ZFAT: variants seen among roughly 807,000 people sequenced by gnomAD.
ZFAT encodes zinc finger and AT-hook domain containing.
In ZFAT, 64 loss-of-function variants were observed where a neutral mutation model predicts 117.7. The observed-to-expected ratio is 0.54, with a 90% confidence interval of 0.44 to 0.67. The LOEUF is 0.67. ZFAT is among the 30% of genes least tolerant of loss of function. The pLI, the probability that ZFAT is intolerant of heterozygous loss-of-function variation, is 0.00. For synonymous variants in ZFAT, 679 were observed against 615.0 expected, an observed-to-expected ratio of 1.10 and a Z score of -1.54; for missense variants, 1,433 against 1,584.5, an observed-to-expected ratio of 0.90 and a Z score of 1.62.
At chr8:134,586,882 A>AC (rs1826106654) in intron 9 of ZFAT, among the ~76,000 whole-genome samples, 1 of 152,146 alleles carries the variant, frequency 6.6e-6, no homozygotes. Context: ...GGGGCAAATT[A>AC]CTTCACCTCT....
At chr8:134,652,908 C>A (rs1831331455) in intron 2 of ZFAT, among the ~76,000 whole-genome samples, 1 of 152,090 alleles carries the variant, frequency 6.6e-6, no homozygotes, top group African/African-American at 2.4e-5. Flanking sequence ...CACAGCAATT[C>A]TCCTAGGAAT....
At chr8:134,563,968 AC>A (rs151048214) in intron 11 of ZFAT, among the ~76,000 whole-genome samples, 5,016 of 151,896 alleles carry the variant, frequency 0.033, 271 homozygotes, top group African/African-American at 0.11. Context: ...TCATAGTGAA[AC>A]CCCGTCTCTA....
the ZFAT span, chr8:134,804,808 A>G: frequency 2.0e-6 from 1 of 509,532 alleles, no homozygotes; most frequent in South Asian, 1.5e-5. Context: ...GTTTTCCCAC[A>G]CATTTTATAG....
chr8:134,659,126 C>A (rs542394744), intron 1 of ZFAT, among the ~76,000 whole-genome samples: 1 of 152,204 alleles, frequency 6.6e-6, no homozygotes, highest in East Asian at 1.9e-4. Context: ...TGATGCTGGA[C>A]AAATACATGG....
At chr8:134,772,015 C>T in the ZFAT span, among the ~76,000 whole-genome samples, 1 of 152,150 alleles carries the variant, frequency 6.6e-6, no homozygotes, top group South Asian at 2.1e-4. Context: ...GGAGAACCTG[C>T]CATGATTCAA....
At chr8:134,649,165 T>TCTCACACA (rs1554614264) in intron 2 of ZFAT, among the ~76,000 whole-genome samples, 1,540 of 77,020 alleles carry the variant, frequency 0.02, 10 homozygotes, top group African/African-American at 0.034. Context: ...CATCTATCTC[T>TCTCACACA]CACACACACA....
chr8:134,800,390 A>G, the ZFAT span: 1 of 397,396 alleles, frequency 2.5e-6, no homozygotes, highest in South Asian at 1.9e-5. Context: ...CAATTAACAC[A>G]CTTTTTCTCT....
At chr8:134,485,951 C>T (rs531613828) in intron 15 of ZFAT, among the ~76,000 whole-genome samples, 12 of 152,344 alleles carry the variant, frequency 7.9e-5, no homozygotes, top group African/African-American at 2.6e-4. Context: ...CCGAGTTCCC[C>T]ACATGCCTGT....
At chr8:134,591,929 C>T (rs865823767) in intron 7 of ZFAT, among the ~76,000 whole-genome samples, 1 of 152,210 alleles carries the variant, frequency 6.6e-6, no homozygotes, top group Non-Finnish European at 1.5e-5. Context: ...GTTTATACCA[C>T]CAGCATGTGG....
Position 134,602,046 on chromosome 8 carries a change from G to C in ZFAT, c.1673C>G (p.Pro558Arg). ...CTGCGGGGAGGCCAGGTGCACAGCT[G>C]GGGCAGGCATTTCCCCAGGGGCCTC... ...EPEAPGEMPA[P>R]AVHLASPQAE... The change falls in exon 6 of 16, where the codon CCA (proline) becomes CGA (arginine). Residue 558 changes from proline (P) to arginine (R), a missense_variant. Physicochemically the swap from Pro to Arg is moderately radical, Grantham distance 103. Coordinates refer to ENST00000377838, the MANE Select transcript of ZFAT (RefSeq NM_020863.4). The C allele has an allele frequency of 6.2e-7, 1 of 1,611,784 alleles. No homozygotes were observed. Among genetic ancestry groups the C allele is most frequent in the Non-Finnish European group, 8.5e-7 (1 of 1,179,560 alleles).
intron 1 of ZFAT, among the ~76,000 whole-genome samples, chr8:134,687,677 T>A (rs1411670534): frequency 1.3e-5 from 2 of 151,968 alleles, no homozygotes; most frequent in Non-Finnish European, 2.9e-5. Context: ...ACTGACGAGG[T>A]GGCCCTGAAG....
chr8:134,590,441 C>CCCACCA (rs893213923), intron 7 of ZFAT, 86 bp from the exon 8 acceptor site: 3 of 994,708 alleles, frequency 3.0e-6, no homozygotes, highest in Non-Finnish European at 4.6e-6. Flanking sequence ...ACCATCATCA[C>CCCACCA]CCACCACCAC....
At chr8:134,618,958 C>A (rs1257024776) in intron 3 of ZFAT, among the ~76,000 whole-genome samples, 3 of 152,172 alleles carry the variant, frequency 2.0e-5, no homozygotes, top group Admixed American at 1.3e-4. Flanking sequence ...TAATAAATAA[C>A]TAAACCACAC....
At chr8:134,800,432 A>C in the ZFAT span, 15 of 431,476 alleles carry the variant, frequency 3.5e-5, no homozygotes, top group Non-Finnish European at 5.6e-5. Context: ...ATTTCCAACA[A>C]ACCTTTAATT....
intron 1 of ZFAT, among the ~76,000 whole-genome samples, chr8:134,706,533 A>C: frequency 6.6e-6 from 1 of 152,192 alleles, no homozygotes; most frequent in East Asian, 1.9e-4. Context: ...CTCCACTAAA[A>C]ATACAGAAAT....
At chr8:134,578,411 CAAAAAAAAAA>C (rs778606284) in intron 10 of ZFAT, among the ~76,000 whole-genome samples, 3 of 68,426 alleles carry the variant, frequency 4.4e-5, no homozygotes, top group Non-Finnish European at 8.6e-5. Context: ...AACTCTGTCT[CAAAAAAAAAA>C]AAAAAAAAAA....
At chr8:134,699,444 T>C (rs1057178154) in intron 1 of ZFAT, among the ~76,000 whole-genome samples, 1 of 152,182 alleles carries the variant, frequency 6.6e-6, no homozygotes, top group African/African-American at 2.4e-5. Context: ...CTCTGTGCCA[T>C]GACTCTGCCC....
intron 1 of ZFAT, among the ~76,000 whole-genome samples, chr8:134,708,608 T>C (rs1444416273): frequency 1.3e-5 from 2 of 152,184 alleles, no homozygotes; most frequent in African/African-American, 2.4e-5. Flanking sequence ...ATCTGTAAGA[T>C]GTTTAAAATG....
chr8:134,502,176 C>G (rs76091740), intron 15 of ZFAT, among the ~76,000 whole-genome samples: 1 of 152,086 alleles, frequency 6.6e-6, no homozygotes, highest in African/African-American at 2.4e-5. Context: ...ATCTGCCCCC[C>G]GATGGGAGGA....
Sources: gnomAD v4.1 joint callset for allele counts (sites outside exome capture counted in the v4.1 genomes callset) on GRCh38, gnomAD v4.1.1 for gene constraint, MANE v1.5 for transcripts, NCBI Gene and HGNC (gene_info 2026-07-23, HGNC 2026-07-21) for gene names.